HMCN2: variants seen among roughly 807,000 people sequenced by gnomAD.
The protein encoded by HMCN2 is hemicentin-2.
A neutral mutation model predicts 377.5 loss-of-function variants in HMCN2; 325 were observed. The observed-to-expected ratio is 0.86, with a 90% CI of 0.79 to 0.94. HMCN2 has a LOEUF of 0.94. Among genes scored for constraint, HMCN2 ranks in the 40% least tolerant of loss-of-function variants. HMCN2 has a pLI of 0.00. For synonymous variants in HMCN2, 2,007 were observed against 2,046.8 expected, an observed-to-expected ratio of 0.98 and a Z score of 0.53; for missense variants, 4,543 against 4,725.3, an observed-to-expected ratio of 0.96 and a Z score of 1.13.
intron 12 of HMCN2, among the ~76,000 whole-genome samples, chr9:130,306,489 C>A (rs142747119): frequency 6.6e-6 from 1 of 152,074 alleles, no homozygotes; most frequent in Non-Finnish European, 1.5e-5. Flanking sequence ...TATGGACCTG[C>A]GCCCAAATCC....
chr9:130,278,896 T>G lies in HMCN2; in HGVS notation c.260-5707T>G, dbSNP rs1296080601. The stretch of plus-strand genomic sequence containing the variant: ...TCACCCAGCCTGAGACCCTATTTTC[T>G]TTTTCTTTTTTTTTTTTTTTGAGAC... On this transcript the variant is annotated intron_variant, in intron 1 of 97. Transcript: ENST00000683500. Among the ~76,000 whole-genome samples the G allele has an allele frequency of 2.0e-5, 3 of 147,932 alleles. No homozygotes were observed. In the Admixed American group the frequency reaches 2.0e-4, roughly 10 times the overall value.
In HMCN2 at chr9:130,415,062, C is replaced by T. The variant is rs544526903; in HGVS notation, c.12962-3710C>T. 3.4e-4 allele frequency among the ~76,000 whole-genome samples: 52 copies of T among 152,262 alleles called. 1 individual carries two copies. The Middle Eastern group carries it at 0.01, about 30-fold the overall frequency. On this transcript the variant is annotated intron_variant, in intron 85 of 97. Transcript: ENST00000683500. ...TTGAAGCGCCAACTCCCACCGATCC[C>T]CAGCAATAATGAGGCACCCTCCCTG...
At position 130,395,013 on chromosome 9, in the gene HMCN2, C is replaced by T. The variant is rs533974204; in HGVS notation, c.10693-14C>T. 1.4e-4 allele frequency: 173 copies of T among 1,280,910 alleles called. 1 individual carries two copies. In the African/African-American group the frequency reaches 2.0e-3, roughly 15 times the overall value. The allele number at this position is 1,280,910 out of a possible 1,614,324, so 79.3% of individuals were successfully genotyped here. On this transcript the variant is annotated splice_polypyrimidine_tract_variant and intron_variant, in intron 69 of 97. Transcript: ENST00000683500. The stretch of plus-strand genomic sequence containing the variant: ...AGGGGCCAGGGGCAGCTGCTCAACC[C>T]GCTCCATCCCCAGGTTAGGGATGCT...
chr9:130,332,353 T>A (rs925564924), intron 22 of HMCN2, among the ~76,000 whole-genome samples: 6 of 152,208 alleles, frequency 3.9e-5, no homozygotes, highest in African/African-American at 1.4e-4. Context: ...CCTGGCCAGC[T>A]CAGTGGCCGT....
At chr9:130,278,419 C>T (rs1258367924) in intron 1 of HMCN2, among the ~76,000 whole-genome samples, 1 of 152,012 alleles carries the variant, frequency 6.6e-6, no homozygotes, top group Non-Finnish European at 1.5e-5. Flanking sequence ...CCACCGCGCC[C>T]GGCCGCCATC....
intron 39 of HMCN2, 105 bp downstream of exon 39, chr9:130,362,270 A>G: frequency 1.3e-6 from 1 of 781,542 alleles, no homozygotes; most frequent in Non-Finnish European, 1.6e-6. Flanking sequence ...AAGCAGCGAT[A>G]GCCCAGGGCC....
intron 4 of HMCN2, among the ~76,000 whole-genome samples, chr9:130,292,810 C>T (rs1471675317): frequency 6.6e-6 from 1 of 152,180 alleles, no homozygotes; most frequent in East Asian, 1.9e-4. Context: ...CCCAGGCTCA[C>T]CTTATAAATT....
Position 130,383,530 on chromosome 9 carries a change from C to T in HMCN2, c.8760C>T (p.Ala2920=), listed in dbSNP as rs61746403. 2,030 of 986,088 alleles carry T rather than the reference C, an allele frequency of 2.1e-3. 36 individuals carry two copies. In the African/African-American group the frequency reaches 0.033, roughly 16 times the overall value. The allele number at this position is 986,088 out of a possible 1,614,324, so 61.1% of individuals were successfully genotyped here. ...TTTCCACGGCAGAGGTGGCCGACGC[C>T]GCCAGCTACATGTGTGTGGCCGAGA... ...LQVSTAEVAD[A]ASYMCVAENQ... The change falls in exon 57 of 98, where the codon GCC becomes GCT. Residue 2920 remains alanine, a synonymous_variant. Transcript: ENST00000683500.
At position 130,352,929 on chromosome 9, in the gene HMCN2, C is replaced by T. The variant is rs1029776893; in HGVS notation, c.4588C>T (p.Pro1530Ser). Residue 1530 changes from proline to serine, a missense_variant and splice_region_variant, in exon 31 of 98, where the codon CCC (proline) becomes TCC (serine). Pro to Ser is a moderately conservative substitution (Grantham distance 74). Coordinates refer to ENST00000683500, the MANE Select transcript of HMCN2 (RefSeq NM_001291815.2). ...AGCCCCACCTCTTTCCTTCTCAGCG[C>T]CCCCCACTATCTGGGGCTCCAACGA... ...ARDFQLRVHA[P>S]PTIWGSNETG... The T allele has an allele frequency of 7.9e-7, 1 of 1,273,864 alleles. No individual in the cohort carries two copies. The highest frequency in any genetic ancestry group is 2.5e-5 in the Admixed American group (1 of 40,480). The allele number at this position is 1,273,864 out of a possible 1,614,324, so 78.9% of individuals were successfully genotyped here.
At position 130,368,373 on chromosome 9, in the gene HMCN2, A is replaced by T; in HGVS notation, c.6723A>T (p.Thr2241=). Residue 2241 remains threonine, a synonymous_variant, in exon 44 of 98, where the codon ACA becomes ACT. Transcript: ENST00000683500. ...AGGCCCAGCTGGCTCAGGAAGGAAC[A>T]TACACCTGTGAATGCAGCAACGTGG... The part of the protein sequence containing the change: ...LGQAQLAQEG[T]YTCECSNVVG... 3.0e-6 allele frequency: 3 copies of T among 985,950 alleles called. No individual in the cohort carries two copies. Among genetic ancestry groups the T allele is most frequent in the Non-Finnish European group, 3.6e-6 (3 of 830,098 alleles). 61.1% of individuals were successfully genotyped at this position (985,950 alleles called of 1,614,324 possible).
At chr9:130,323,690 C>CTT (rs1171558401) in intron 19 of HMCN2, among the ~76,000 whole-genome samples, 6 of 145,322 alleles carry the variant, frequency 4.1e-5, no homozygotes, top group African/African-American at 1.3e-4. Context: ...CCATTGAAAG[C>CTT]TTTTTTTTTT....
chr9:130,292,798 A>G (rs1167618218), intron 4 of HMCN2, among the ~76,000 whole-genome samples: 1 of 152,190 alleles, frequency 6.6e-6, no homozygotes, highest in Non-Finnish European at 1.5e-5. Context: ...ATAACCCATC[A>G]TCCCAGGCTC....
intron 15 of HMCN2, among the ~76,000 whole-genome samples, chr9:130,319,186 G>C (rs1272719998): frequency 2.0e-5 from 3 of 152,156 alleles, no homozygotes; most frequent in Non-Finnish European, 4.4e-5. Context: ...AGAGCCCCTT[G>C]GAGGGGCTTC....
chr9:130,430,417 G>A lies in HMCN2; in HGVS notation c.14460G>A (p.Arg4820=). 1.3e-6 allele frequency: 2 copies of A among 1,550,506 alleles called. No individual in the cohort carries two copies. Among genetic ancestry groups the A allele is most frequent in the East Asian group, 4.9e-5 (2 of 40,916 alleles). Residue 4820 remains arginine (R), a synonymous_variant, in exon 95 of 98, where the codon CGG becomes CGA. Coordinates refer to ENST00000683500, the MANE Select transcript of HMCN2 (RefSeq NM_001291815.2). ...GCAAGGCCTGCACCTCACTGGAGCG[G>A]AATGGACAAAATGTGACCACCGTCA... ...RDGKACTSLE[R]NGQNVTTVSH...
In HMCN2 at chr9:130,356,246, T is replaced by A; in HGVS notation, c.5414T>A (p.Val1805Glu). 1 of 1,297,318 alleles carries A rather than the reference T, an allele frequency of 7.7e-7. No homozygotes were observed. The highest frequency in any genetic ancestry group is 1.0e-6 in the Non-Finnish European group (1 of 987,024). The allele number at this position is 1,297,318 out of a possible 1,614,324, so 80.4% of individuals were successfully genotyped here. A position where few individuals can be genotyped will look rare whatever the true frequency, so the allele number is the denominator to read the frequency against. The change falls in exon 34 of 98, where the codon GTG (valine) becomes GAG (glutamate). Residue 1805 changes from valine (V) to glutamate (E), a missense_variant. Transcript: ENST00000683500. ...EAGTAGAEVE[V>E]SVHEFPSVSI... is the part of the protein sequence containing the mutation. Reference sequence around the variant, plus strand: ...GGCACTGCCGGGGCCGAGGTGGAGGTGTCTGTGCATGGTGAGTGGGCGCCT... The same window carrying A: ...GGCACTGCCGGGGCCGAGGTGGAGGAGTCTGTGCATGGTGAGTGGGCGCCT...
intron 40 of HMCN2, among the ~76,000 whole-genome samples, chr9:130,363,911 GAAAA>G (rs1172454139): frequency 4.0e-5 from 2 of 50,360 alleles, no homozygotes; most frequent in Admixed American, 5.2e-4. Flanking sequence ...GAGAGAGAAA[GAAAA>G]AGAAAGGAAA....
At chr9:130,305,215 C>G (rs2131347507) in intron 11 of HMCN2, among the ~76,000 whole-genome samples, 1 of 152,306 alleles carries the variant, frequency 6.6e-6, no homozygotes, top group South Asian at 2.1e-4. Context: ...CTCCTAATAT[C>G]TAACTTAAAT....
intron 85 of HMCN2, among the ~76,000 whole-genome samples, chr9:130,410,954 C>T (rs1281503564): frequency 3.3e-5 from 5 of 152,268 alleles, no homozygotes; most frequent in East Asian, 3.9e-4. Flanking sequence ...GTTTACCAGG[C>T]GCTGTTTGAG....
chr9:130,364,822 G>A lies in HMCN2; in HGVS notation c.6341G>A (p.Trp2114Ter). ...ATGCCCCCTCCTGTGCTGAGCTGGT[G>A]GAAGGACGGGCGGCCCCTGGAACCA... The part of the protein sequence containing the change: ...HAMPPPVLSW[W>*]KDGRPLEPRP... The change falls in exon 41 of 98, where the codon TGG becomes TAG. Residue 2114 changes from tryptophan to a stop codon, truncating the protein, a stop_gained. Transcript: ENST00000683500. LOFTEE classifies it high-confidence loss of function. The A allele has an allele frequency of 1.0e-6, 1 of 986,028 alleles. No homozygotes were observed. Among genetic ancestry groups the A allele is most frequent in the African/African-American group, 1.7e-5 (1 of 57,372 alleles). 61.1% of individuals were successfully genotyped at this position (986,028 alleles called of 1,614,324 possible).
Sources: gnomAD v4.1 joint callset for allele counts (sites outside exome capture counted in the v4.1 genomes callset) on GRCh38, gnomAD v4.1.1 for gene constraint, MANE v1.5 for transcripts, NCBI Gene and HGNC (gene_info 2026-07-23, HGNC 2026-07-21) for gene names.